ARAP2: variants seen among roughly 807,000 people sequenced by gnomAD.
The protein encoded by ARAP2 is arf-GAP with Rho-GAP domain, ANK repeat and PH domain-containing protein 2.
Under a neutral mutation model 194.5 loss-of-function variants are expected in ARAP2, and 148 were observed. That is an observed-to-expected ratio of 0.76 (90% CI 0.67 to 0.87). ARAP2 has a LOEUF of 0.87. ARAP2 is among the 40% of genes least tolerant of loss of function. ARAP2 has a pLI of 0.00. For synonymous variants in ARAP2, 695 were observed against 683.5 expected, an observed-to-expected ratio of 1.02 and a Z score of -0.26; for missense variants, 2,128 against 1,989.7, an observed-to-expected ratio of 1.07 and a Z score of -1.32.
rs368284635 is a variant in ARAP2, at chr4:36,193,658, T to C, written c.1488-11A>G. 53 of 1,592,574 alleles carry C rather than the reference T, an allele frequency of 3.3e-5. No homozygotes were observed. The African/African-American group carries it at 6.7e-4, about 20-fold the overall frequency. On this transcript the variant is annotated splice_polypyrimidine_tract_variant and intron_variant, in intron 6 of 32. Coordinates refer to ENST00000303965, the MANE Select transcript of ARAP2 (RefSeq NM_015230.4). ...TGAAACATGCGTTTTCTGCAAAACATATGAAATTGTTATTTTACATTCAAG... is the reference window on the plus strand; with the variant it reads ...TGAAACATGCGTTTTCTGCAAAACACATGAAATTGTTATTTTACATTCAAG...
chr4:36,038,368 C>T (rs1342634230), intron 5 of ARAP2, among the ~76,000 whole-genome samples: 2 of 152,194 alleles, frequency 1.3e-5, no homozygotes, highest in African/African-American at 4.8e-5. Context: ...TAAAAAGCCT[C>T]ATGTGTTTCA....
At chr4:36,188,426 T>G (rs892516107) in intron 7 of ARAP2, among the ~76,000 whole-genome samples, 1 of 152,154 alleles carries the variant, frequency 6.6e-6, no homozygotes, top group Non-Finnish European at 1.5e-5. Context: ...AAATCTCAAT[T>G]CTGCTTAAAG....
chr4:36,096,788 G>T (rs1300303347), intron 27 of ARAP2, among the ~76,000 whole-genome samples: 1 of 152,072 alleles, frequency 6.6e-6, no homozygotes, highest in East Asian at 1.9e-4. Context: ...ATTCCACAGA[G>T]AAATATTGTA....
At chr4:36,081,227 A>T (rs944751085) in intron 30 of ARAP2, among the ~76,000 whole-genome samples, 1 of 152,172 alleles carries the variant, frequency 6.6e-6, no homozygotes, top group Non-Finnish European at 1.5e-5. Flanking sequence ...GGTGCAAAGA[A>T]GAAATAATGA....
chr4:36,062,720 A>ACATTTGGG (rs1724668290), downstream of ARAP2, among the ~76,000 whole-genome samples: 1 of 152,100 alleles, frequency 6.6e-6, no homozygotes. Context: ...TCAGATGAGG[A>ACATTTGGG]CATTTGGGCT....
intron 5 of ARAP2, among the ~76,000 whole-genome samples, chr4:36,034,402 G>C (rs886562575): frequency 6.6e-6 from 1 of 151,974 alleles, no homozygotes; most frequent in African/African-American, 2.4e-5. Context: ...TATTTTTGTG[G>C]ATATTGTGAA....
intron 10 of ARAP2, chr4:36,005,832 A>G (rs1398923432): frequency 6.6e-6 from 1 of 152,222 alleles, no homozygotes; most frequent in Non-Finnish European, 1.5e-5. Flanking sequence ...ATGCTGTGTA[A>G]TGGAGTGAAT....
chr4:36,126,449 A>G (rs890678833), intron 21 of ARAP2, among the ~76,000 whole-genome samples: 7 of 152,128 alleles, frequency 4.6e-5, no homozygotes, highest in African/African-American at 1.4e-4. Context: ...AACGAAACAT[A>G]TAAGTTAACA....
chr4:36,037,840 C>T (rs1720200550), intron 5 of ARAP2, among the ~76,000 whole-genome samples: 1 of 152,196 alleles, frequency 6.6e-6, no homozygotes, highest in African/African-American at 2.4e-5. Flanking sequence ...TTGTGAATCT[C>T]TCACTTGCAG....
intron 9 of ARAP2, among the ~76,000 whole-genome samples, chr4:36,172,738 C>A (rs1736930702): frequency 6.6e-6 from 1 of 152,150 alleles, no homozygotes; most frequent in Non-Finnish European, 1.5e-5. Flanking sequence ...TTACTGGATG[C>A]CAGGTTTCCA....
At position 36,173,019 on chromosome 4, in the gene ARAP2, G is replaced by A. The variant is rs563683228; in HGVS notation, c.1857+4808C>T. On this transcript the variant is annotated intron_variant, in intron 9 of 32. Transcript: ENST00000303965. ...ATGTTGGGGGGGAATGAGGGAGGATGAGTCTCTTGTTATACCCTGATTTGA... is the reference window on the plus strand; with the variant it reads ...ATGTTGGGGGGGAATGAGGGAGGATAAGTCTCTTGTTATACCCTGATTTGA... Among the ~76,000 whole-genome samples the A allele has an allele frequency of 3.3e-5, 5 of 152,284 alleles. No homozygotes were observed. The East Asian group carries it at 9.6e-4, about 29-fold the overall frequency.
chr4:36,139,384 AT>A (rs893748246), intron 19 of ARAP2, among the ~76,000 whole-genome samples: 162 of 151,756 alleles, frequency 1.1e-3, no homozygotes, highest in African/African-American at 3.9e-3. Context: ...GGTGATTTGT[AT>A]CTTCTGTCCT....
intron 6 of ARAP2, among the ~76,000 whole-genome samples, chr4:36,197,382 TATAGAA>T (rs1196811238): frequency 1.3e-5 from 2 of 152,232 alleles, no homozygotes; most frequent in Non-Finnish European, 2.9e-5. Flanking sequence ...ATCGTATAAA[TATAGAA>T]ATAAACACTA....
chr4:36,107,324 T>C (rs1351306074), intron 27 of ARAP2, among the ~76,000 whole-genome samples: 1 of 151,976 alleles, frequency 6.6e-6, no homozygotes, highest in Non-Finnish European at 1.5e-5. Context: ...AAAAACAAAC[T>C]ATTATTTCCA....
chr4:36,017,886 G>T (rs1716158202), intron 6 of ARAP2, among the ~76,000 whole-genome samples: 1 of 152,124 alleles, frequency 6.6e-6, no homozygotes, highest in Non-Finnish European at 1.5e-5. Context: ...AGAGATGACA[G>T]TGACTGGAAA....
chr4:36,074,482 G>A (rs758295539), intron 31 of ARAP2, among the ~76,000 whole-genome samples: 1 of 151,942 alleles, frequency 6.6e-6, no homozygotes, highest in Admixed American at 6.6e-5. Context: ...GGGGATAAAT[G>A]TTCACAGGTA....
At chr4:36,017,186 A>G in intron 6 of ARAP2, among the ~76,000 whole-genome samples, 1 of 152,036 alleles carries the variant, frequency 6.6e-6, no homozygotes, top group Admixed American at 6.6e-5. Flanking sequence ...TGTCAAGATA[A>G]AAATGAAAAA....
chr4:36,109,660 A>C (rs1222688184), intron 26 of ARAP2, among the ~76,000 whole-genome samples: 1 of 151,974 alleles, frequency 6.6e-6, no homozygotes, highest in Non-Finnish European at 1.5e-5. Context: ...AGTTAGATAT[A>C]TTTGAAGGTA....
chr4:36,090,782 A>G (rs1281214198), intron 28 of ARAP2, among the ~76,000 whole-genome samples: 5 of 152,144 alleles, frequency 3.3e-5, no homozygotes, highest in Non-Finnish European at 7.4e-5. Flanking sequence ...AGAGGATTAG[A>G]AAAAACAACT....
Sources: gnomAD v4.1 joint callset for allele counts (sites outside exome capture counted in the v4.1 genomes callset) on GRCh38, gnomAD v4.1.1 for gene constraint, MANE v1.5 for transcripts, NCBI Gene and HGNC (gene_info 2026-07-23, HGNC 2026-07-21) for gene names.